ZNF3: variants seen among roughly 807,000 people sequenced by gnomAD.
ZNF3 encodes the protein zinc finger protein 3.
ZNF3 carries 16 observed loss-of-function variants against 36.9 expected under a neutral mutation model. The ratio of observed to expected loss-of-function variants is 0.43; its 90% CI spans 0.29 to 0.66. The LOEUF (loss-of-function observed/expected upper bound fraction) is 0.66, where lower values mean the gene tolerates loss of function less well. ZNF3 is among the 30% of genes least tolerant of loss of function. The pLI, the probability that ZNF3 is intolerant of heterozygous loss-of-function variation, is 0.13. For missense variants in ZNF3, 462 were observed against 543.1 expected (o/e 0.85, Z 1.48); for synonymous variants, 201 against 201.9 (o/e 1.00, Z 0.04).
At chr7:100,074,890 A>C (rs1453994072) in intron 5 of ZNF3, among the ~76,000 whole-genome samples, 2 of 152,078 alleles carry the variant, frequency 1.3e-5, no homozygotes, top group Non-Finnish European at 2.9e-5. Flanking sequence ...AAAAAACAAA[A>C]CAAATACAAA....
At chr7:100,075,284 G>A (rs1327936681) in intron 4 of ZNF3, 23 bp from the exon 5 acceptor site, 3 of 1,613,830 alleles carry the variant, frequency 1.9e-6, no homozygotes, top group African/African-American at 1.3e-5. Context: ...GTGCTGGCAT[G>A]CAATTTCAGG....
exon 6 of ZNF3, chr7:100,064,318 C>G (rs1792516113): frequency 6.2e-7 from 1 of 1,613,706 alleles, no homozygotes; most frequent in Non-Finnish European, 8.5e-7. Context: ...GAAAGGCAGC[C>G]TCATTCGTCA....
At chr7:100,078,364 T>C (rs1794452139) in intron 2 of ZNF3, among the ~76,000 whole-genome samples, 1 of 150,844 alleles carries the variant, frequency 6.6e-6, no homozygotes. Flanking sequence ...GGCATGGTGG[T>C]GTGTGCCTGT....
chr7:100,066,060 C>A (rs566350164), downstream of ZNF3, among the ~76,000 whole-genome samples: 1 of 151,644 alleles, frequency 6.6e-6, no homozygotes, highest in African/African-American at 2.4e-5. Flanking sequence ...TCAAAGAAAC[C>A]CAGACTCCCC....
chr7:100,077,560 CTTTTATTTTCTTTTATTT>C, intron 2 of ZNF3, 127 bp from the exon 3 acceptor site: 1 of 744,030 alleles, frequency 1.3e-6, no homozygotes, highest in Non-Finnish European at 2.0e-6. Flanking sequence ...TGGGACTAGT[CTTTTATTTTCTTTTATTT>C]TTTAATTTTT....
chr7:100,066,859 A>G (rs1053661194), downstream of ZNF3, among the ~76,000 whole-genome samples: 4 of 150,386 alleles, frequency 2.7e-5, no homozygotes, highest in African/African-American at 9.9e-5. Context: ...ACATGGTGAG[A>G]CCCTGTCTCT....
chr7:100,068,411 TGCTTGTA>T, downstream of ZNF3, among the ~76,000 whole-genome samples: 2 of 151,816 alleles, frequency 1.3e-5, no homozygotes, highest in South Asian at 4.2e-4. Context: ...TAGTGGCACA[TGCTTGTA>T]ATCCCAGCAC....
At position 100,072,013 on chromosome 7, in the gene ZNF3, T is replaced by C. The variant is rs1243359433; in HGVS notation, c.471A>G (p.Gln157=). 6.2e-7 allele frequency: 1 copy of C among 1,613,880 alleles called. No homozygotes were observed. The highest frequency in any genetic ancestry group is 2.2e-5 in the East Asian group (1 of 44,902). ...RLNRKMPDFG[Q]VTVEEKLTPR... is the part of the protein sequence containing the mutation. ...GGGTTAGCTTCTCCTCAACTGTCAC[T>C]TGACCAAAATCTGGCATTTTCCTGT... Residue 157 remains glutamine, a synonymous_variant, in exon 6 of 6, where the codon CAA becomes CAG. Transcript: ENST00000299667.
At chr7:100,065,907 A>G (rs1261481831), downstream of ZNF3, among the ~76,000 whole-genome samples, 3 of 144,626 alleles carry the variant, frequency 2.1e-5, no homozygotes, top group Non-Finnish European at 4.5e-5. Context: ...TAAGTTTTAG[A>G]TCCGTGTCAT....
At position 100,072,041 on chromosome 7, in the gene ZNF3, A is replaced by G. The variant is rs767622095; in HGVS notation, c.443T>C (p.Leu148Pro). 10 of 1,614,014 alleles carry G rather than the reference A, an allele frequency of 6.2e-6. No homozygotes were observed. Among genetic ancestry groups the G allele is most frequent in the Non-Finnish European group, 8.5e-6 (10 of 1,180,034 alleles). The change falls in exon 6 of 6, where the codon CTG (leucine) becomes CCG (proline). Residue 148 changes from leucine (L) to proline (P), a missense_variant. Transcript: ENST00000299667. ...RPLGNSPGERLNRKMPDFGQV... is the reference protein window; with the variant it reads ...RPLGNSPGERPNRKMPDFGQV... ...ACCAAAATCTGGCATTTTCCTGTTC[A>G]GTCTTTCTCCAGGGGAGTTCCCCAG...
At chr7:100,066,524 A>T (rs559121616), downstream of ZNF3, among the ~76,000 whole-genome samples, 217 of 151,048 alleles carry the variant, frequency 1.4e-3, 1 homozygote, top group Non-Finnish European at 2.9e-3. Flanking sequence ...AGGTCAGGAG[A>T]TTGAGACCAT....
chr7:100,072,135 G>C lies in ZNF3; in HGVS notation c.349C>G (p.Gln117Glu). ...TTGAGACCCTGAGAAATATCCTTTT[G>C]AAATCTTCCCAGTAGGACCCCATGT... The part of the protein sequence containing the change: ...RSHGVLLGRF[Q>E]KDISQGLKFK... The change falls in exon 6 of 6, where the codon CAA becomes GAA. Residue 117 changes from glutamine (Q) to glutamate (E), a missense_variant. Coordinates refer to ENST00000299667, the MANE Select transcript of ZNF3 (RefSeq NM_032924.5). The C allele has an allele frequency of 2.5e-6, 4 of 1,613,714 alleles. No homozygotes were observed. Among genetic ancestry groups the C allele is most frequent in the Non-Finnish European group, 3.4e-6 (4 of 1,179,950 alleles).
chr7:100,065,789 T>A (rs957519107), downstream of ZNF3, among the ~76,000 whole-genome samples: 1 of 150,750 alleles, frequency 6.6e-6, no homozygotes, highest in Admixed American at 6.7e-5. Flanking sequence ...ATCCCAATTA[T>A]CTTCTCAGGG....
rs13236806 is a variant in ZNF3, at chr7:100,078,121, C to G, written c.-76-688G>C. Among the ~76,000 whole-genome samples the G allele has an allele frequency of 2.0e-5, 3 of 152,238 alleles. No homozygotes were observed. In the East Asian group the frequency reaches 5.8e-4, roughly 29 times the overall value. ...AAGGGCCCAAGTTCCTCAACAATAT[C>G]CCGCCTTTGGCTGCCCCCATCACTT... On this transcript the variant is annotated intron_variant, in intron 2 of 5. Coordinates refer to ENST00000299667, the MANE Select transcript of ZNF3 (RefSeq NM_032924.5).
chr7:100,074,668 C>T (rs1358005092), intron 5 of ZNF3, among the ~76,000 whole-genome samples: 1 of 152,158 alleles, frequency 6.6e-6, no homozygotes, highest in African/African-American at 2.4e-5. Flanking sequence ...TATATGAGAA[C>T]TCTTTATAAG....
chr7:100,071,693 G>A lies in ZNF3; in HGVS notation c.791C>T (p.Thr264Ile), dbSNP rs2116280332. 6.2e-7 allele frequency: 1 copy of A among 1,613,090 alleles called. No individual in the cohort carries two copies. The highest frequency in any genetic ancestry group is 8.5e-7 in the Non-Finnish European group (1 of 1,179,848). Residue 264 changes from threonine (T) to isoleucine (I), a missense_variant, in exon 6 of 6, where the codon ACC (threonine) becomes ATC (isoleucine). By Grantham distance (89) the Thr-to-Ile change is moderately conservative. Coordinates refer to ENST00000299667, the MANE Select transcript of ZNF3 (RefSeq NM_032924.5). ...KPYECSDCGK[T>I]FSCSSALILH... The stretch of plus-strand genomic sequence containing the variant: ...AATGAGGGCAGAGCTACAGCTGAAG[G>A]TTTTCCCACAATCACTACATTCATA...
chr7:100,065,117 GT>G, downstream of ZNF3: 1 of 822,352 alleles, frequency 1.2e-6, no homozygotes, highest in Non-Finnish European at 1.8e-6. Flanking sequence ...ATTCCTACTG[GT>G]TTAGCTTTTA....
In ZNF3 at chr7:100,071,455, A is replaced by G; in HGVS notation, c.1029T>C (p.Asn343=). Residue 343 remains asparagine, a synonymous_variant, in exon 6 of 6, where the codon AAT becomes AAC. Transcript: ENST00000299667. The part of the protein sequence containing the change: ...IHTGEKPYEC[N]ECGKAFSQSS... Reference sequence around the variant, plus strand: ...TCTGGCTGAAGGCTTTCCCACATTCATTACATTCATAGGGTTTTTCTCCAG... The same window carrying G: ...TCTGGCTGAAGGCTTTCCCACATTCGTTACATTCATAGGGTTTTTCTCCAG... 6.2e-7 allele frequency: 1 copy of G among 1,614,102 alleles called. No individual in the cohort carries two copies. The highest frequency in any genetic ancestry group is 1.1e-5 in the South Asian group (1 of 91,078).
At chr7:100,072,631 G>C (rs1793383902) in intron 5 of ZNF3, among the ~76,000 whole-genome samples, 1 of 152,192 alleles carries the variant, frequency 6.6e-6, no homozygotes, top group African/African-American at 2.4e-5. Flanking sequence ...AAGGGGGGAA[G>C]GGTGAGGAGA....
Sources: allele counts gnomAD v4.1 joint callset (sites outside exome capture counted in the v4.1 genomes callset), GRCh38; gene constraint gnomAD v4.1.1; transcripts MANE v1.5; gene names NCBI Gene and HGNC (gene_info 2026-07-23, HGNC 2026-07-21).